The following TUBD1 variants were observed in gnomAD, a reference collection of about 807,000 sequenced individuals.
TUBD1 encodes tubulin delta 1.
Under a neutral mutation model 51.2 loss-of-function variants are expected in TUBD1, and 38 were observed. The ratio of observed to expected loss-of-function variants is 0.74; its 90% CI spans 0.57 to 0.97. The LOEUF is 0.97. Ranked by LOEUF, TUBD1 falls within the 50% of genes least tolerant of loss-of-function variation. TUBD1 has a pLI of 0.00. For synonymous variants in TUBD1, 169 were observed against 178.2 expected (o/e 0.95, Z 0.41); for missense variants, 489 against 538.4 (o/e 0.91, Z 0.91).
At chr17:59,886,813 G>A (rs929904112) in intron 2 of TUBD1, among the ~76,000 whole-genome samples, 5 of 152,006 alleles carry the variant, frequency 3.3e-5, no homozygotes, top group African/African-American at 7.2e-5. Context: ...CATTTTGGGA[G>A]GCTGAGGCAG....
At chr17:59,870,935 TA>T (rs2144480864) in intron 6 of TUBD1, among the ~76,000 whole-genome samples, 1 of 152,290 alleles carries the variant, frequency 6.6e-6, no homozygotes, top group African/African-American at 2.4e-5. Flanking sequence ...AAATAAAGCT[TA>T]CCTTCTACTG....
chr17:59,870,394 A>C (rs959558303), intron 6 of TUBD1, among the ~76,000 whole-genome samples: 7 of 115,652 alleles, frequency 6.1e-5, no homozygotes, highest in Middle Eastern at 5.4e-3. Context: ...AAAAAAAAAA[A>C]AAAAAAAAAA....
chr17:59,891,104 C>T (rs2040982879), intron 1 of TUBD1, 63 bp from the exon 2 acceptor site: 1 of 871,500 alleles, frequency 1.1e-6, no homozygotes, highest in African/African-American at 1.7e-5. Context: ...AATAAAATGC[C>T]ATGTATGTTA....
intron 8 of TUBD1, among the ~76,000 whole-genome samples, chr17:59,862,013 G>A (rs1269070304): frequency 6.6e-6 from 1 of 151,324 alleles, no homozygotes; most frequent in Non-Finnish European, 1.5e-5. Flanking sequence ...CTGGGCCCTG[G>A]GGTATCCGAG....
chr17:59,882,172 A>G (rs1287798767), intron 3 of TUBD1, among the ~76,000 whole-genome samples: 2 of 151,790 alleles, frequency 1.3e-5, no homozygotes, highest in Non-Finnish European at 2.9e-5. Context: ...TCAGTCTCCC[A>G]AAGCGCTGGA....
chr17:59,889,668 CAAAAAA>C (rs1195587619), intron 2 of TUBD1, among the ~76,000 whole-genome samples: 11 of 54,176 alleles, frequency 2.0e-4, no homozygotes, highest in African/African-American at 6.7e-4. Flanking sequence ...GACTCTGTCT[CAAAAAA>C]AAAAAAAAAA....
intron 6 of TUBD1, among the ~76,000 whole-genome samples, chr17:59,868,613 G>T (rs766810489): frequency 1.3e-5 from 2 of 152,178 alleles, no homozygotes; most frequent in South Asian, 2.1e-4. Flanking sequence ...GCAGAGGGGG[G>T]GGATCACGAG....
chr17:59,875,188 C>T (rs963303578), intron 5 of TUBD1, among the ~76,000 whole-genome samples: 31 of 149,592 alleles, frequency 2.1e-4, no homozygotes, highest in African/African-American at 6.4e-4. Flanking sequence ...AAGCGATTCC[C>T]GTCTCAGCCT....
chr17:59,882,865 A>G (rs186761021), intron 3 of TUBD1, among the ~76,000 whole-genome samples: 1 of 151,844 alleles, frequency 6.6e-6, no homozygotes, highest in Non-Finnish European at 1.5e-5. Context: ...ACTCACTGCA[A>G]CCTCTGCCAC....
chr17:59,877,748 A>AGCCTGGGC (rs1432042347), intron 5 of TUBD1, among the ~76,000 whole-genome samples: 8 of 150,794 alleles, frequency 5.3e-5, no homozygotes, highest in Non-Finnish European at 1.0e-4. Context: ...ACTGCACTCC[A>AGCCTGGGC]GCCTGGGCAA....
chr17:59,864,320 A>AT (rs2039602108), intron 7 of TUBD1, among the ~76,000 whole-genome samples: 1 of 146,490 alleles, frequency 6.8e-6, no homozygotes, highest in Admixed American at 6.9e-5. Flanking sequence ...TAATTGTTGT[A>AT]TTTTTTGTAG....
At chr17:59,866,794 AG>A (rs1196273080) in intron 6 of TUBD1, 45 bp from the exon 7 acceptor site, 1 of 1,521,504 alleles carries the variant, frequency 6.6e-7, no homozygotes, top group Non-Finnish European at 8.9e-7. Flanking sequence ...TTATTTACTT[AG>A]TTTTTTGAGA....
intron 6 of TUBD1, among the ~76,000 whole-genome samples, chr17:59,870,406 A>AAT (rs2039929438): frequency 7.8e-6 from 1 of 127,476 alleles, no homozygotes; most frequent in Non-Finnish European, 1.6e-5. Flanking sequence ...AAAAAAAAAA[A>AAT]ATCAAAGTGT....
At chr17:59,892,514 T>A (rs577356941) in intron 1 of TUBD1, among the ~76,000 whole-genome samples, 183 bp downstream of exon 1, 1 of 152,244 alleles carries the variant, frequency 6.6e-6, no homozygotes, top group African/African-American at 2.4e-5. Context: ...TGAGACAGAC[T>A]CTGTGCTTAA....
intron 8 of TUBD1, among the ~76,000 whole-genome samples, chr17:59,860,816 A>C (rs1297652829): frequency 6.6e-6 from 1 of 151,678 alleles, no homozygotes; most frequent in East Asian, 1.9e-4. Context: ...GGAACTCCCA[A>C]CCTTAGGTGA....
At chr17:59,885,511 G>A (rs2144562497) in intron 3 of TUBD1, 1 of 1,581,528 alleles carries the variant, frequency 6.3e-7, no homozygotes, top group Middle Eastern at 2.0e-4. Flanking sequence ...ACGAGGCGGT[G>A]ATCCCTCCAA....
At chr17:59,873,156 C>T (rs948479162) in intron 6 of TUBD1, among the ~76,000 whole-genome samples, 1 of 152,080 alleles carries the variant, frequency 6.6e-6, no homozygotes, top group African/African-American at 2.4e-5. Flanking sequence ...AATAGCTAGA[C>T]GTTGAAAGTA....
In TUBD1 at chr17:59,863,800, T is replaced by G; in HGVS notation, c.1123A>C (p.Asn375His). Residue 375 changes from asparagine to histidine, a missense_variant, in exon 8 of 9, where the codon AAT becomes CAT. By Grantham distance (68) the Asn-to-His change is moderately conservative. Coordinates refer to ENST00000325752, the MANE Select transcript of TUBD1 (RefSeq NM_016261.4). ...TGGGTTTTCCACACGTTGAAAGCAT[T>G]AACAGGCTTCAACCAGGAAGTATAC... ...ALYTSWLKPV[N>H]AFNVWKTQRA... 6.2e-7 allele frequency: 1 copy of G among 1,605,734 alleles called. No individual in the cohort carries two copies. Among genetic ancestry groups the G allele is most frequent in the Non-Finnish European group, 8.5e-7 (1 of 1,177,184 alleles).
intron 1 of TUBD1, 68 bp from the exon 2 acceptor site, chr17:59,891,109 A>G: frequency 1.2e-6 from 1 of 830,220 alleles, no homozygotes; most frequent in South Asian, 1.8e-5. Flanking sequence ...AATGCCATGT[A>G]TGTTAATTAT....
Sources: gnomAD v4.1 joint callset for allele counts (sites outside exome capture counted in the v4.1 genomes callset) on GRCh38, gnomAD v4.1.1 for gene constraint, MANE v1.5 for transcripts, NCBI Gene and HGNC (gene_info 2026-07-23, HGNC 2026-07-21) for gene names.